HCN2: variants seen among roughly 807,000 people sequenced by gnomAD.
HCN2 encodes potassium/sodium hyperpolarization-activated cyclic nucleotide-gated channel 2.
In HCN2, 20 loss-of-function variants were observed where a neutral mutation model predicts 52.3. The ratio of observed to expected loss-of-function variants is 0.38; its 90% CI spans 0.27 to 0.56. HCN2 has a LOEUF of 0.56. Ranked by LOEUF, HCN2 falls within the 20% of genes least tolerant of loss-of-function variation. The pLI is 0.71. For missense variants in HCN2, 981 were observed against 1,207.7 expected, an observed-to-expected ratio of 0.81 and a Z score of 2.78; for synonymous variants, 694 against 537.0, an observed-to-expected ratio of 1.29 and a Z score of -4.04.
chr19:599,518 G>A (rs941615848), intron 1 of HCN2, among the ~76,000 whole-genome samples: 3 of 152,012 alleles, frequency 2.0e-5, no homozygotes, highest in Non-Finnish European at 2.9e-5. Context: ...GGTGGCTCAC[G>A]CCTGTAATCC....
At chr19:603,306 C>CAGGTT (rs1983278297) in intron 1 of HCN2, among the ~76,000 whole-genome samples, 1 of 104,846 alleles carries the variant, frequency 9.5e-6, no homozygotes, top group Non-Finnish European at 1.9e-5. Context: ...CCCTCGCCCC[C>CAGGTT]CAGGGAGGAA....
chr19:613,914 C>T lies in HCN2; in HGVS notation c.1888C>T (p.Leu630Phe). The T allele has an allele frequency of 1.9e-6, 3 of 1,598,182 alleles. No homozygotes were observed. The highest frequency in any genetic ancestry group is 2.6e-6 in the Non-Finnish European group (3 of 1,172,360). ...ASVRADTYCR[L>F]YSLSVDNFNE... ...CGTGCGGGCTGACACCTACTGCCGC[C>T]TCTATTCGCTGAGCGTGGACAACTT... Residue 630 changes from leucine (L) to phenylalanine (F), a missense_variant, in exon 7 of 8, where the codon CTC becomes TTC. Leu to Phe is a conservative substitution (Grantham distance 22). This residue lies in a region of HCN2 where 85 missense variants were observed against 106.1 expected (regional missense o/e 0.80). Transcript: ENST00000251287.
Position 603,748 on chromosome 19 carries a change from C to G in HCN2, c.837C>G (p.Pro279=), listed in dbSNP as rs748438018. 24 of 1,612,800 alleles carry G rather than the reference C, an allele frequency of 1.5e-5. No individual in the cohort carries two copies. The highest frequency in any genetic ancestry group is 1.9e-5 in the Non-Finnish European group (22 of 1,179,822). ...IEDNTEIILD[P]EKIKKKYLRT... ...ACAACACGGAGATCATCCTGGACCC[C>G]GAGAAGATCAAGAAGAAGTATCTGC... The change falls in exon 2 of 8, where the codon CCC becomes CCG. Residue 279 remains proline, a synonymous_variant. Transcript: ENST00000251287.
At chr19:614,077 GCATC>G in intron 7 of HCN2, 61 bp downstream of exon 7, 1 of 1,280,914 alleles carries the variant, frequency 7.8e-7, no homozygotes, top group Non-Finnish European at 1.0e-6. Flanking sequence ...CGTGGCCAAG[GCATC>G]AGGAGAGTGG....
intron 1 of HCN2, among the ~76,000 whole-genome samples, chr19:601,817 G>A (rs781545529): frequency 7.0e-6 from 1 of 142,792 alleles, no homozygotes; most frequent in Non-Finnish European, 1.5e-5. Flanking sequence ...TCCCAGCACC[G>A]TGTCTGGCCC....
At position 613,572 on chromosome 19, in the gene HCN2, CGGGGCCGGGG is replaced by C. The variant is rs1983742379; in HGVS notation, c.1825+85_1825+94del. On this transcript the variant is annotated intron_variant, in intron 6 of 7. Transcript: ENST00000251287. Reference sequence around the variant, plus strand: ...AGAGCCAGGGGGCCGGGGCCGGGGCCGGGGCCGGGGATGGGGATGGGGATGGGGATGGGGC... The same window carrying C: ...AGAGCCAGGGGGCCGGGGCCGGGGCCATGGGGATGGGGATGGGGATGGGGC... The C allele has an allele frequency of 5.0e-5, 15 of 299,474 alleles. 3 individuals are homozygous for C. In the South Asian group the frequency reaches 6.5e-4, roughly 13 times the overall value. The allele number at this position is 299,474 out of a possible 1,614,324, so 18.6% of individuals were successfully genotyped here.
In HCN2 at chr19:592,698, C is replaced by T. The variant is rs1167293682; in HGVS notation, c.632+2121C>T. On this transcript the variant is annotated intron_variant, in intron 1 of 7. Coordinates refer to ENST00000251287, the MANE Select transcript of HCN2 (RefSeq NM_001194.4). The surrounding 1 kb of genome is among the most constrained non-coding windows in gnomAD (Gnocchi z 4.8). The stretch of plus-strand genomic sequence containing the variant: ...AGCTGGGTGCACGGGGCCCCTAGGA[C>T]CCTCCCCAGGCTTGGGACCTGTGCC... Among the ~76,000 whole-genome samples the T allele has an allele frequency of 6.6e-6, 1 of 152,066 alleles. No individual in the cohort carries two copies. Among genetic ancestry groups the T allele is most frequent in the Non-Finnish European group, 1.5e-5 (1 of 67,994 alleles).
intron 1 of HCN2, among the ~76,000 whole-genome samples, chr19:594,717 G>A (rs893328706): frequency 6.6e-6 from 1 of 152,176 alleles, no homozygotes; most frequent in Admixed American, 6.5e-5. Context: ...CGGGGGCAGG[G>A]CGAGGCGAGG....
chr19:594,708 G>A (rs892892763), intron 1 of HCN2, among the ~76,000 whole-genome samples: 3 of 152,146 alleles, frequency 2.0e-5, no homozygotes, highest in Admixed American at 6.5e-5. Flanking sequence ...GGATGGCCCC[G>A]GGGGCAGGGC....
At chr19:610,555 TC>T (rs1983585384) in intron 5 of HCN2, 150 bp downstream of exon 5, 4 of 656,124 alleles carry the variant, frequency 6.1e-6, no homozygotes, top group Non-Finnish European at 1.0e-5. Flanking sequence ...CACCCTCCCC[TC>T]CCCGCCCCGT....
intron 7 of HCN2, among the ~76,000 whole-genome samples, chr19:615,316 T>G (rs993970970): frequency 6.6e-6 from 1 of 151,968 alleles, no homozygotes; most frequent in African/African-American, 2.4e-5. Context: ...GAGACCATCC[T>G]GGCTAACATG....
chr19:613,679 C>A (rs868817239), intron 6 of HCN2, among the ~76,000 whole-genome samples, 173 bp from the exon 7 acceptor site: 943 of 29,688 alleles, frequency 0.032, 105 homozygotes, highest in Non-Finnish European at 0.054. Flanking sequence ...GGGGATGGGG[C>A]CGGGGATGGG....
intron 7 of HCN2, 38 bp downstream of exon 7, chr19:614,054 GGCGGGGGAGGGGC>G: frequency 6.7e-7 from 1 of 1,486,662 alleles, no homozygotes. Flanking sequence ...CGGGTGCCCT[GGCGGGGGAGGGGC>G]GTGGCCAAGG....
rs148230512 is a variant in HCN2 at position 606,920 on chromosome 19, C to T, written c.1219-1044C>T. On this transcript the variant is annotated intron_variant, in intron 3 of 7. Coordinates refer to ENST00000251287, the MANE Select transcript of HCN2 (RefSeq NM_001194.4). ...GGCGCGGTGGCTCACGCCTGTAATC[C>T]CAGCACTTTGGGAGGCCGAGGTGGG... is the stretch of plus-strand genomic sequence containing the variant. Among the ~76,000 whole-genome samples the T allele has an allele frequency of 9.6e-3, 1,148 of 119,400 alleles. 17 individuals are homozygous for T. Among genetic ancestry groups the T allele is most frequent in the African/African-American group, 0.047 (1,080 of 23,222 alleles). 78.3% of individuals were successfully genotyped at this position (119,400 alleles called of 152,430 possible).
At position 590,369 on chromosome 19, in the gene HCN2, G is replaced by A. The variant is rs1457741225; in HGVS notation, c.424G>A (p.Glu142Lys). Residue 142 changes from glutamate (E) to lysine (K), a missense_variant, in exon 1 of 8, where the codon GAG becomes AAG. By Grantham distance (56) the Glu-to-Lys change is moderately conservative. This residue lies in a region of HCN2 where 215 missense variants were observed against 179.4 expected (regional missense o/e 1.20). Transcript: ENST00000251287. This position sits in a 1 kb window ranked among gnomAD's most constrained non-coding sequence, Gnocchi z 7.2. The part of the protein sequence containing the change: ...SGPAPGPGPA[E>K]EAGSEEAGPA... Reference sequence around the variant, plus strand: ...GCCCGCGCCGGGGCCGGGGCCGGCGGAGGAGGCGGGCAGCGAGGAGGCGGG... The same window carrying A: ...GCCCGCGCCGGGGCCGGGGCCGGCGAAGGAGGCGGGCAGCGAGGAGGCGGG... 1 of 1,165,976 alleles carries A rather than the reference G, an allele frequency of 8.6e-7. No homozygotes were observed. Among genetic ancestry groups the A allele is most frequent in the East Asian group, 3.9e-5 (1 of 25,614 alleles). 72.2% of individuals were successfully genotyped at this position (1,165,976 alleles called of 1,614,324 possible). A position where few individuals can be genotyped will look rare whatever the true frequency, so the allele number is the denominator to read the frequency against.
chr19:607,941 C>G (rs3752159), intron 3 of HCN2, 23 bp from the exon 4 acceptor site: 7 of 1,588,056 alleles, frequency 4.4e-6, no homozygotes, highest in Non-Finnish European at 6.0e-6. Context: ...TGCCCACCAC[C>G]GCCCCTCCTG....
chr19:593,879 TGGCCTTATGCAACCCCCAGGGCTTC>T (rs755646837), intron 1 of HCN2, among the ~76,000 whole-genome samples: 40 of 152,314 alleles, frequency 2.6e-4, no homozygotes, highest in Admixed American at 3.9e-4. Flanking sequence ...GGAAGGGGTT[TGGCCTTATGCAACCCCCAGGGCTTC>T]GGCAGGGTCT....
chr19:609,185 C>T (rs140678316), intron 4 of HCN2, among the ~76,000 whole-genome samples: 303 of 152,280 alleles, frequency 2.0e-3, no homozygotes, highest in Non-Finnish European at 3.3e-3. Context: ...CCCGCCGTCA[C>T]GGGTTCCGCT....
intron 5 of HCN2, among the ~76,000 whole-genome samples, chr19:612,559 A>C (rs760274040): frequency 6.6e-6 from 1 of 151,636 alleles, no homozygotes; most frequent in African/African-American, 2.4e-5. Flanking sequence ...GATTACAGGC[A>C]CCCGCCACCA....
Sources: gnomAD v4.1 joint callset for allele counts (sites outside exome capture counted in the v4.1 genomes callset) on GRCh38, gnomAD v4.1.1 for gene constraint, gnomAD v4.1.1 regional missense constraint, Gnocchi (gnomAD v3.1) non-coding constraint, MANE v1.5 for transcripts, NCBI Gene and HGNC (gene_info 2026-07-23, HGNC 2026-07-21) for gene names.